The following PTCH1 variants were observed in gnomAD, a reference collection of about 807,000 sequenced individuals.
PTCH1 encodes patched 1.
Under a neutral mutation model 144.6 loss-of-function variants are expected in PTCH1, and 14 were observed. The observed-to-expected ratio is 0.10, with a 90% CI of 0.06 to 0.15. The LOEUF (loss-of-function observed/expected upper bound fraction) is 0.15. PTCH1 is among the 10% of genes least tolerant of loss of function. PTCH1 has a pLI of 1.00. For synonymous variants in PTCH1, 833 were observed against 793.6 expected, an observed-to-expected ratio of 1.05 and a Z score of -0.83; for missense variants, 1,623 against 1,948.3, an observed-to-expected ratio of 0.83 and a Z score of 3.14.
At chr9:95,447,880 CA>C (rs967582055) in intron 22 of PTCH1, among the ~76,000 whole-genome samples, 6 of 152,226 alleles carry the variant, frequency 3.9e-5, no homozygotes, top group Non-Finnish European at 8.8e-5. Flanking sequence ...CTGTCAAACA[CA>C]GTAGCCGCTC....
At chr9:95,485,480 C>T (rs1841889162) in intron 3 of PTCH1, among the ~76,000 whole-genome samples, 1 of 152,180 alleles carries the variant, frequency 6.6e-6, no homozygotes, top group African/African-American at 2.4e-5. Flanking sequence ...AATACATTAT[C>T]AAGTAATGCA....
At position 95,476,123 on chromosome 9, in the gene PTCH1, T is replaced by C; in HGVS notation, c.1639A>G (p.Ser547Gly). The C allele has an allele frequency of 6.2e-7, 1 of 1,613,654 alleles. No individual in the cohort carries two copies. Among genetic ancestry groups the C allele is most frequent in the Non-Finnish European group, 8.5e-7 (1 of 1,179,828 alleles). Residue 547 changes from serine to glycine, a missense_variant, in exon 12 of 24, where the codon AGC (serine) becomes GGC (glycine). Transcript: ENST00000331920. The surrounding 1 kb of genome is among the most constrained non-coding windows in gnomAD (Gnocchi z 4.6). The part of the protein sequence containing the change: ...TGECLKRTGA[S>G]VALTSISNVT... The stretch of plus-strand genomic sequence containing the variant: ...TTGCTGATGGACGTGAGGGCCACGC[T>C]GGCTCCTGTGCGCTTCAGGCACTCC...
At chr9:95,473,310 G>C (rs1840737896) in intron 12 of PTCH1, among the ~76,000 whole-genome samples, 1 of 152,164 alleles carries the variant, frequency 6.6e-6, no homozygotes, top group South Asian at 2.1e-4. Context: ...TTTACTATTG[G>C]ACAGAACCGC....
rs561099799 is a variant in PTCH1, at chr9:95,507,388, C to T, written c.201+773G>A. Reference sequence around the variant, plus strand: ...ATTTCCCCGGCGCTGGCCGCGGCCCCGGCGGGCCCCCGTCTGGGTGCTCGC... The same window carrying T: ...ATTTCCCCGGCGCTGGCCGCGGCCCTGGCGGGCCCCCGTCTGGGTGCTCGC... On this transcript the variant is annotated intron_variant, in intron 1 of 23. Coordinates refer to ENST00000331920, the MANE Select transcript of PTCH1 (RefSeq NM_000264.5). 1.1e-4 allele frequency: 104 copies of T among 985,518 alleles called. 1 individual carries two copies. In the South Asian group the frequency reaches 4.4e-3, roughly 42 times the overall value. 61.0% of individuals were successfully genotyped at this position (985,518 alleles called of 1,614,324 possible).
At chr9:95,470,442 C>G (rs1212224309) in intron 12 of PTCH1, among the ~76,000 whole-genome samples, 1 of 152,078 alleles carries the variant, frequency 6.6e-6, no homozygotes, top group Non-Finnish European at 1.5e-5. Context: ...TCCAAATTGC[C>G]TCTGGAGTAG....
At chr9:95,457,627 A>C (rs1839055399) in intron 18 of PTCH1, among the ~76,000 whole-genome samples, 1 of 152,200 alleles carries the variant, frequency 6.6e-6, no homozygotes, top group Non-Finnish European at 1.5e-5. Context: ...TTGTCCCTTC[A>C]TGTTAAATGC....
upstream of PTCH1, among the ~76,000 whole-genome samples, chr9:95,511,229 CCCTT>C (rs1445488048): frequency 6.6e-6 from 1 of 151,484 alleles, no homozygotes; most frequent in Non-Finnish European, 1.5e-5. Flanking sequence ...TCTCCCCGCC[CCCTT>C]CCTTCCTCCC....
At chr9:95,450,274 C>A (rs1838349156) in intron 20 of PTCH1, 1 of 368,590 alleles carries the variant, frequency 2.7e-6, no homozygotes, top group Non-Finnish European at 5.2e-6. Flanking sequence ...GGAATGCGAC[C>A]TGAATGGCTG....
Position 95,449,290 on chromosome 9 carries a change from T to C in PTCH1, c.3583A>G (p.Thr1195Ala). 3 of 1,557,472 alleles carry C rather than the reference T, an allele frequency of 1.9e-6. No individual in the cohort carries two copies. The South Asian group carries it at 3.5e-5, about 18-fold the overall frequency. ...CTGGGGGGTGGCTCAGGGGAGGGTGTGGGCAGGCGGTTCAAGCCGTTGGCT... is the reference window on the plus strand; with the variant it reads ...CTGGGGGGTGGCTCAGGGGAGGGTGCGGGCAGGCGGTTCAAGCCGTTGGCT... Reference protein sequence around the residue: ...SPANGLNRLPTPSPEPPPSVV... With the variant: ...SPANGLNRLPAPSPEPPPSVV... The change falls in exon 22 of 24, where the codon ACA becomes GCA. Residue 1195 changes from threonine to alanine, a missense_variant. By Grantham distance (58) the Thr-to-Ala change is moderately conservative (BLOSUM62 0). Coordinates refer to ENST00000331920, the MANE Select transcript of PTCH1 (RefSeq NM_000264.5). This position sits in a 1 kb window ranked among gnomAD's most constrained non-coding sequence, Gnocchi z 5.3.
At chr9:95,473,165 G>C (rs1297915136) in intron 12 of PTCH1, among the ~76,000 whole-genome samples, 1 of 152,234 alleles carries the variant, frequency 6.6e-6, no homozygotes, top group Non-Finnish European at 1.5e-5. Flanking sequence ...TTCTGGTGTA[G>C]AGATGGCATT....
chr9:95,497,266 T>G (rs550618314), intron 2 of PTCH1, among the ~76,000 whole-genome samples: 2 of 152,326 alleles, frequency 1.3e-5, no homozygotes, highest in Admixed American at 1.3e-4. Flanking sequence ...ATTTGGGTAC[T>G]CCAATTTCCT....
Position 95,496,009 on chromosome 9 carries a change from C to A in PTCH1, c.395-10135G>T, listed in dbSNP as rs1180265048. Among the ~76,000 whole-genome samples the A allele has an allele frequency of 2.6e-5, 4 of 152,148 alleles. No homozygotes were observed. The East Asian group carries it at 7.7e-4, about 29-fold the overall frequency. On this transcript the variant is annotated intron_variant, in intron 2 of 23. Coordinates refer to ENST00000331920, the MANE Select transcript of PTCH1 (RefSeq NM_000264.5). The stretch of plus-strand genomic sequence containing the variant: ...CTGGGCTGTCCCATCAAAGCCGTAT[C>A]TGTTATATTTCTGTCTTTCTCTTCT...
intron 14 of PTCH1, 22 bp downstream of exon 14, chr9:95,468,729 G>GC: frequency 6.2e-7 from 1 of 1,611,856 alleles, no homozygotes; most frequent in Admixed American, 1.7e-5. Flanking sequence ...GACAGGAAGA[G>GC]CCTTAAGTTG....
At chr9:95,515,106 G>A (rs540484863) in intron 1 of PTCH1, among the ~76,000 whole-genome samples, 4 of 152,158 alleles carry the variant, frequency 2.6e-5, no homozygotes, top group Non-Finnish European at 5.9e-5. Flanking sequence ...GAAATTTTAA[G>A]TTGCAATAAC....
At chr9:95,499,420 C>T (rs946728676) in intron 2 of PTCH1, among the ~76,000 whole-genome samples, 1 of 149,104 alleles carries the variant, frequency 6.7e-6, no homozygotes, top group African/African-American at 2.5e-5. Flanking sequence ...TTTCAGAGTT[C>T]ACACTAGTAA....
chr9:95,469,282 A>G, intron 13 of PTCH1, 129 bp from the exon 14 acceptor site: 1 of 1,247,030 alleles, frequency 8.0e-7, no homozygotes, highest in Non-Finnish European at 1.1e-6. Context: ...GAAACATCAC[A>G]TTGCTGAATT....
In PTCH1 at chr9:95,453,534, C is replaced by A. The variant is rs1267662604; in HGVS notation, c.3393G>T (p.Val1131=). The change falls in exon 20 of 24, where the codon GTG becomes GTT. Residue 1131 remains valine, a synonymous_variant. Transcript: ENST00000331920. ...HMFAPVLDGA[V]STLLGVLMLA... is the part of the protein sequence containing the mutation. ...GCATCAGCACTCCCAGCAGAGTGGACACGGCGCCATCCAGGACGGGTGCAA... is the reference window on the plus strand; with the variant it reads ...GCATCAGCACTCCCAGCAGAGTGGAAACGGCGCCATCCAGGACGGGTGCAA... 6.2e-7 allele frequency: 1 copy of A among 1,614,164 alleles called. No homozygotes were observed. Among genetic ancestry groups the A allele is most frequent in the East Asian group, 2.2e-5 (1 of 44,874 alleles).
At chr9:95,486,146 G>A (rs767168443) in intron 2 of PTCH1, among the ~76,000 whole-genome samples, 13 of 149,706 alleles carry the variant, frequency 8.7e-5, no homozygotes, top group Non-Finnish European at 1.6e-4. Flanking sequence ...ACGAAAGTGG[G>A]GGGCAGAAAG....
intron 12 of PTCH1, among the ~76,000 whole-genome samples, chr9:95,470,614 ATCT>A (rs1284250511): frequency 3.9e-5 from 6 of 152,194 alleles, no homozygotes; most frequent in African/African-American, 1.4e-4. Context: ...GCGTTGGCAA[ATCT>A]TCTGCTGACC....
Sources: gnomAD v4.1 joint callset for allele counts (sites outside exome capture counted in the v4.1 genomes callset) on GRCh38, gnomAD v4.1.1 for gene constraint, Gnocchi (gnomAD v3.1) non-coding constraint, MANE v1.5 for transcripts, NCBI Gene and HGNC (gene_info 2026-07-23, HGNC 2026-07-21) for gene names.